The following FOXP1 variants were observed in gnomAD, a reference collection of about 807,000 sequenced individuals.
FOXP1 encodes forkhead box P1.
In FOXP1, 15 loss-of-function variants were observed where a neutral mutation model predicts 98.2. The ratio of observed to expected loss-of-function variants is 0.15; its 90% confidence interval spans 0.10 to 0.24. The LOEUF (loss-of-function observed/expected upper bound fraction) is 0.24, where lower values mean the gene tolerates loss of function less well. FOXP1 is among the 10% of genes least tolerant of loss of function. The probability of loss-of-function intolerance (pLI) is 1.00; values close to 1 mark genes in which losing one functional copy is unlikely to be tolerated. For synonymous variants in FOXP1, 371 were observed against 314.5 expected (o/e 1.18, Z -1.90); for missense variants, 633 against 848.5 (o/e 0.75, Z 3.15).
chr3:70,999,437 T>A (rs1339620215), intron 13 of FOXP1, among the ~76,000 whole-genome samples: 1 of 152,204 alleles, frequency 6.6e-6, no homozygotes, highest in Non-Finnish European at 1.5e-5. Flanking sequence ...AAGAACTCTG[T>A]GGGTGGGTTA....
chr3:70,970,713 T>G (rs1256472418), intron 19 of FOXP1, 23 bp downstream of exon 19: 1 of 1,592,682 alleles, frequency 6.3e-7, no homozygotes, highest in African/African-American at 1.3e-5. Context: ...CTGCTGCATA[T>G]TCGGGACGGC....
chr3:71,027,780 T>C (rs1166990684), intron 11 of FOXP1, among the ~76,000 whole-genome samples: 2 of 152,178 alleles, frequency 1.3e-5, no homozygotes, highest in Non-Finnish European at 2.9e-5. Context: ...TTTTATAACA[T>C]AAGGAATATA....
intron 3 of FOXP1, among the ~76,000 whole-genome samples, chr3:71,449,750 C>A (rs1293356251): frequency 1.3e-5 from 2 of 152,172 alleles, no homozygotes; most frequent in Non-Finnish European, 2.9e-5. Context: ...ACTGATCATG[C>A]AATCTGACCA....
intron 6 of FOXP1, among the ~76,000 whole-genome samples, chr3:71,183,365 G>A (rs1317878472): frequency 6.6e-6 from 1 of 152,142 alleles, no homozygotes; most frequent in Non-Finnish European, 1.5e-5. Context: ...GGGCAATAGT[G>A]GCGCGAGCCT....
intron 6 of FOXP1, among the ~76,000 whole-genome samples, chr3:71,167,749 G>C (rs1363133570): frequency 6.6e-6 from 1 of 152,062 alleles, no homozygotes; most frequent in East Asian, 1.9e-4. Context: ...CCTTCCTCTT[G>C]CATTTTAAAT....
At chr3:71,244,168 G>A (rs1035338574) in intron 5 of FOXP1, among the ~76,000 whole-genome samples, 1 of 152,150 alleles carries the variant, frequency 6.6e-6, no homozygotes, top group Non-Finnish European at 1.5e-5. Flanking sequence ...GTAATAAAAT[G>A]TACACATCAG....
intron 3 of FOXP1, among the ~76,000 whole-genome samples, chr3:71,440,249 A>G (rs2085798052): frequency 6.6e-6 from 1 of 152,154 alleles, no homozygotes; most frequent in South Asian, 2.1e-4. Flanking sequence ...AAATTCTGTT[A>G]TGTGTATTTT....
chr3:71,067,646 C>T (rs1271509857), intron 7 of FOXP1, among the ~76,000 whole-genome samples: 1 of 151,706 alleles, frequency 6.6e-6, no homozygotes. Flanking sequence ...CTCATAATCC[C>T]AGCACTTTGG....
At chr3:71,338,175 G>C (rs1021551148) in intron 4 of FOXP1, among the ~76,000 whole-genome samples, 1 of 152,186 alleles carries the variant, frequency 6.6e-6, no homozygotes, top group African/African-American at 2.4e-5. Flanking sequence ...ATCAAAGTGA[G>C]ATCTGCAAAA....
intron 6 of FOXP1, among the ~76,000 whole-genome samples, chr3:71,158,626 T>A (rs1221274582): frequency 7.0e-6 from 1 of 142,266 alleles, no homozygotes. Flanking sequence ...GTAAATAACA[T>A]AACAGAAGTA....
intron 6 of FOXP1, among the ~76,000 whole-genome samples, chr3:71,123,398 T>A (rs553805460): frequency 1.3e-5 from 2 of 152,222 alleles, no homozygotes. Context: ...CATCTTCTCT[T>A]GGAATATTGA....
At chr3:71,582,686 C>T (rs1457496773) in intron 1 of FOXP1, 1 of 985,290 alleles carries the variant, frequency 1.0e-6, no homozygotes, top group Admixed American at 6.1e-5. Flanking sequence ...GCGCATCCGG[C>T]TCCCGCACCC....
At chr3:71,325,413 A>G (rs2075633859) in intron 4 of FOXP1, among the ~76,000 whole-genome samples, 1 of 152,200 alleles carries the variant, frequency 6.6e-6, no homozygotes, top group Non-Finnish European at 1.5e-5. Context: ...TTTACAGACC[A>G]AACACAACAG....
chr3:71,110,084 A>T (rs2057788744), intron 7 of FOXP1, among the ~76,000 whole-genome samples: 1 of 152,164 alleles, frequency 6.6e-6, no homozygotes, highest in Non-Finnish European at 1.5e-5. Context: ...TTGCCAAGAA[A>T]AACGGAGCCC....
rs150204809 is a variant in FOXP1, at chr3:71,367,293, A to G, written c.-167-8049T>C. ...AAAACCCACAATAAATGTGATCAGC[A>G]TTCATCAGTGTCTCTCTCACATACA... On this transcript the variant is annotated intron_variant, in intron 3 of 20. Coordinates refer to ENST00000649528, the MANE Select transcript of FOXP1 (RefSeq NM_001349338.3). Among the ~76,000 whole-genome samples the G allele has an allele frequency of 4.0e-3, 610 of 152,272 alleles. 4 individuals carry two copies. The highest frequency in any genetic ancestry group is 0.014 in the African/African-American group (587 of 41,566).
chr3:71,476,255 A>C (rs912362202), intron 3 of FOXP1, among the ~76,000 whole-genome samples: 1 of 152,146 alleles, frequency 6.6e-6, no homozygotes, highest in Non-Finnish European at 1.5e-5. Context: ...TTTAGAAAGA[A>C]ATCTATCTCA....
chr3:71,001,611 T>C (rs1490511035), intron 12 of FOXP1, among the ~76,000 whole-genome samples: 1 of 151,982 alleles, frequency 6.6e-6, no homozygotes, highest in African/African-American at 2.4e-5. Flanking sequence ...GGGAGAGAAA[T>C]GCAGACAATT....
chr3:71,483,806 C>CT (rs951175560), intron 3 of FOXP1, among the ~76,000 whole-genome samples: 4 of 151,738 alleles, frequency 2.6e-5, no homozygotes, highest in Non-Finnish European at 5.9e-5. Flanking sequence ...CATACACGAA[C>CT]TTTTTTTTAA....
chr3:71,488,130 A>T (rs2090798806), intron 3 of FOXP1, among the ~76,000 whole-genome samples: 1 of 152,208 alleles, frequency 6.6e-6, no homozygotes, highest in Admixed American at 6.5e-5. Flanking sequence ...ATATGAAGTA[A>T]CATGTTTAAC....
Sources: allele counts gnomAD v4.1 joint callset (sites outside exome capture counted in the v4.1 genomes callset), GRCh38; gene constraint gnomAD v4.1.1; transcripts MANE v1.5; gene names NCBI Gene and HGNC (gene_info 2026-07-23, HGNC 2026-07-21).